The following PDE1A variants were observed in gnomAD, a reference collection of about 807,000 sequenced individuals.
PDE1A encodes phosphodiesterase 1A, also known as dual specificity calcium/calmodulin-dependent 3',5'-cyclic nucleotide phosphodiesterase 1A.
PDE1A carries 35 observed loss-of-function variants against 61.7 expected under a neutral mutation model. The observed-to-expected ratio is 0.57, with a 90% confidence interval of 0.43 to 0.75. The LOEUF (loss-of-function observed/expected upper bound fraction) is 0.75, where lower values mean the gene tolerates loss of function less well. PDE1A is among the 30% of genes least tolerant of loss of function. The pLI is 0.00. For synonymous variants in PDE1A, 232 were observed against 213.2 expected, an observed-to-expected ratio of 1.09 and a Z score of -0.77; for missense variants, 597 against 630.6, an observed-to-expected ratio of 0.95 and a Z score of 0.57.
At chr2:182,237,579 T>C (rs755003759) in intron 3 of PDE1A, among the ~76,000 whole-genome samples, 1 of 152,208 alleles carries the variant, frequency 6.6e-6, no homozygotes, top group Non-Finnish European at 1.5e-5. Flanking sequence ...GGAAATATTG[T>C]TGCTATTTCA....
intron 1 of PDE1A, among the ~76,000 whole-genome samples, chr2:182,289,574 G>T (rs1271383670): frequency 6.6e-6 from 1 of 151,962 alleles, no homozygotes; most frequent in Non-Finnish European, 1.5e-5. Flanking sequence ...TAGTTTTCTG[G>T]TTCAAGAAAA....
chr2:182,272,306 C>A (rs1041432647), intron 1 of PDE1A, among the ~76,000 whole-genome samples: 1 of 152,118 alleles, frequency 6.6e-6, no homozygotes, highest in African/African-American at 2.4e-5. Context: ...GAGGGCCCTG[C>A]ACTTTCCTTA....
downstream of PDE1A, among the ~76,000 whole-genome samples, chr2:182,166,457 A>G (rs1421997541): frequency 6.6e-6 from 1 of 151,972 alleles, no homozygotes; most frequent in Non-Finnish European, 1.5e-5. Context: ...CAGGTTCTCA[A>G]CCTTTGGACC....
chr2:182,401,552 C>A (rs1449956870), intron 1 of PDE1A, among the ~76,000 whole-genome samples: 1 of 152,146 alleles, frequency 6.6e-6, no homozygotes, highest in Admixed American at 6.6e-5. Context: ...ATGAAAAACA[C>A]ACAGCCAATA....
At chr2:182,595,042 TG>T in the PDE1A span, among the ~76,000 whole-genome samples, 1 of 152,156 alleles carries the variant, frequency 6.6e-6, no homozygotes. Flanking sequence ...ATAAGCCCTG[TG>T]GTAAGCCTTT....
chr2:182,370,483 G>T (rs1374491474), intron 1 of PDE1A, among the ~76,000 whole-genome samples: 1 of 152,170 alleles, frequency 6.6e-6, no homozygotes, highest in Non-Finnish European at 1.5e-5. Flanking sequence ...TTTATTTAAG[G>T]ATGACTGGGA....
the PDE1A span, among the ~76,000 whole-genome samples, chr2:182,711,710 T>C: frequency 6.6e-6 from 1 of 152,166 alleles, no homozygotes; most frequent in Non-Finnish European, 1.5e-5. Flanking sequence ...AAAATAAGCA[T>C]ACCCAAAGAA....
At chr2:182,666,255 C>T in the PDE1A span, among the ~76,000 whole-genome samples, 1 of 152,144 alleles carries the variant, frequency 6.6e-6, no homozygotes, top group Non-Finnish European at 1.5e-5. Context: ...AAAAAATGTA[C>T]ATGCTTAAAT....
chr2:182,202,689 T>TG (rs1686765171), intron 8 of PDE1A, among the ~76,000 whole-genome samples: 1 of 152,168 alleles, frequency 6.6e-6, no homozygotes, highest in African/African-American at 2.4e-5. Flanking sequence ...TTTAAGCTTT[T>TG]GGGATCTGAC....
chr2:182,408,907 C>A (rs1204159793), intron 1 of PDE1A, among the ~76,000 whole-genome samples: 4 of 152,158 alleles, frequency 2.6e-5, no homozygotes, highest in Non-Finnish European at 2.9e-5. Context: ...ACTCACCTTG[C>A]AGAGAGAAAA....
chr2:182,298,624 T>C (rs1195287843), intron 1 of PDE1A, among the ~76,000 whole-genome samples: 1 of 152,138 alleles, frequency 6.6e-6, no homozygotes, highest in Non-Finnish European at 1.5e-5. Flanking sequence ...AGACCTCACC[T>C]GAAGCAGATG....
At chr2:182,549,761 GT>G in the PDE1A span, among the ~76,000 whole-genome samples, 1 of 151,976 alleles carries the variant, frequency 6.6e-6, no homozygotes, top group African/African-American at 2.4e-5. Context: ...ATGAGATAGT[GT>G]TTTTTGACAT....
At chr2:182,408,869 A>T (rs370926787) in intron 1 of PDE1A, among the ~76,000 whole-genome samples, 1 of 152,208 alleles carries the variant, frequency 6.6e-6, no homozygotes, top group Admixed American at 6.5e-5. Context: ...ACTAGAAGGA[A>T]ACTGGGGGAT....
intron 3 of PDE1A, among the ~76,000 whole-genome samples, chr2:182,235,798 C>T (rs534099204): frequency 3.9e-5 from 6 of 152,236 alleles, no homozygotes; most frequent in East Asian, 1.9e-4. Context: ...TAAATATGGT[C>T]GATGTAAGAA....
chr2:182,570,638 T>C, the PDE1A span, among the ~76,000 whole-genome samples: 1 of 152,234 alleles, frequency 6.6e-6, no homozygotes. Flanking sequence ...ATGAAGTCTA[T>C]TTTAGAAACG....
chr2:182,466,867 C>T (rs1686703735), intron 2 of PDE1A, among the ~76,000 whole-genome samples: 1 of 151,856 alleles, frequency 6.6e-6, no homozygotes, highest in South Asian at 2.1e-4. Flanking sequence ...CAAGGGAATC[C>T]TTATTTTTGA....
chr2:182,458,188 T>A (rs533202992), intron 2 of PDE1A, among the ~76,000 whole-genome samples: 2 of 152,156 alleles, frequency 1.3e-5, no homozygotes, highest in African/African-American at 4.8e-5. Flanking sequence ...ACAAACAAAC[T>A]AAGATCATCA....
intron 2 of PDE1A, among the ~76,000 whole-genome samples, chr2:182,488,420 C>A (rs903616275): frequency 6.6e-6 from 1 of 152,030 alleles, no homozygotes; most frequent in African/African-American, 2.4e-5. Context: ...ATAATGATAT[C>A]TAGGAGGCAA....
chr2:182,331,698 G>C (rs937822657), intron 1 of PDE1A, among the ~76,000 whole-genome samples: 5 of 152,156 alleles, frequency 3.3e-5, no homozygotes, highest in Non-Finnish European at 7.3e-5. Flanking sequence ...TGGCTTGTAA[G>C]GTTTCTGCTG....
Sources: gnomAD v4.1 joint callset for allele counts (sites outside exome capture counted in the v4.1 genomes callset) on GRCh38, gnomAD v4.1.1 for gene constraint, MANE v1.5 for transcripts, NCBI Gene and HGNC (gene_info 2026-07-23, HGNC 2026-07-21) for gene names.